LRP1B: variants seen among roughly 807,000 people sequenced by gnomAD.
The protein encoded by LRP1B is LDL receptor related protein 1B.
A neutral mutation model predicts 556.6 loss-of-function variants in LRP1B; 217 were observed. The observed-to-expected ratio is 0.39, with a 90% CI of 0.35 to 0.44. The LOEUF (loss-of-function observed/expected upper bound fraction) is 0.44. Ranked by LOEUF, LRP1B falls within the 20% of genes least tolerant of loss-of-function variation. LRP1B has a pLI of 1.00. For synonymous variants in LRP1B, 2,047 were observed against 1,865.8 expected (o/e 1.10, Z -2.50); for missense variants, 5,053 against 5,620.8 (o/e 0.90, Z 3.23).
intron 1 of LRP1B, among the ~76,000 whole-genome samples, chr2:141,833,123 T>C (rs1697164289): frequency 1.3e-5 from 2 of 151,776 alleles, no homozygotes; most frequent in African/African-American, 4.8e-5. Context: ...TTTCTTATTA[T>C]TTCTCATGTA....
At chr2:141,166,389 T>C (rs1335377247) in intron 7 of LRP1B, among the ~76,000 whole-genome samples, 1 of 151,254 alleles carries the variant, frequency 6.6e-6, no homozygotes, top group East Asian at 1.9e-4. Context: ...TTTTTTACAT[T>C]TTAATATTTA....
At chr2:141,522,418 G>A (rs535662866) in intron 2 of LRP1B, among the ~76,000 whole-genome samples, 18 of 149,298 alleles carry the variant, frequency 1.2e-4, no homozygotes, top group Middle Eastern at 3.2e-3. Flanking sequence ...GAATGTGGCA[G>A]GAAGAAGGGA....
chr2:140,830,226 C>G (rs1691667359), intron 31 of LRP1B, among the ~76,000 whole-genome samples: 1 of 151,996 alleles, frequency 6.6e-6, no homozygotes, highest in African/African-American at 2.4e-5. Context: ...ATTTATAAAA[C>G]TCGAAGTGGA....
In LRP1B at chr2:141,074,589, C is replaced by CTCTCTCTATA. The variant is rs10643830; in HGVS notation, c.1014-12317_1014-12316insTATAGAGAGA. On this transcript the variant is annotated intron_variant, in intron 7 of 90. Transcript: ENST00000389484. The stretch of plus-strand genomic sequence containing the variant: ...TCTCTGTCTCTCTCTCTCTCTCTCT[C>CTCTCTCTATA]TATATATATATATATATGTTTTTTA... 8.6e-3 allele frequency among the ~76,000 whole-genome samples: 1,168 copies of CTCTCTCTATA among 136,424 alleles called. 6 individuals are homozygous for CTCTCTCTATA. The highest frequency in any genetic ancestry group is 0.019 in the African/African-American group (689 of 36,974). The allele number at this position is 136,424 out of a possible 152,430, so 89.5% of individuals were successfully genotyped here. A position where few individuals can be genotyped will look rare whatever the true frequency, so the allele number is the denominator to read the frequency against.
At chr2:141,121,025 A>G (rs1377889576) in intron 7 of LRP1B, among the ~76,000 whole-genome samples, 2 of 152,036 alleles carry the variant, frequency 1.3e-5, no homozygotes, top group Non-Finnish European at 2.9e-5. Context: ...AGCAATTTAT[A>G]TATTTTAGAA....
chr2:141,846,597 T>C (rs780519403), intron 1 of LRP1B, among the ~76,000 whole-genome samples: 21 of 151,564 alleles, frequency 1.4e-4, no homozygotes, highest in Non-Finnish European at 2.4e-4. Context: ...AACATATTTA[T>C]ACAAATCCTT....
At chr2:141,832,998 G>A (rs1170243138) in intron 1 of LRP1B, among the ~76,000 whole-genome samples, 5 of 151,182 alleles carry the variant, frequency 3.3e-5, no homozygotes, top group African/African-American at 1.2e-4. Flanking sequence ...CATTTCAATT[G>A]CCTGTCTTTA....
intron 41 of LRP1B, among the ~76,000 whole-genome samples, chr2:140,603,926 A>T (rs1386187698): frequency 2.0e-5 from 3 of 152,132 alleles, no homozygotes; most frequent in Non-Finnish European, 4.4e-5. Flanking sequence ...GTGATTATTT[A>T]TCGACAGTGA....
chr2:141,773,666 C>A (rs1171284326), intron 2 of LRP1B, among the ~76,000 whole-genome samples: 1 of 152,216 alleles, frequency 6.6e-6, no homozygotes, highest in Non-Finnish European at 1.5e-5. Flanking sequence ...CACAGGTCTG[C>A]TCAAGTTATC....
At chr2:140,790,655 T>C (rs1415586405) in intron 32 of LRP1B, among the ~76,000 whole-genome samples, 1 of 152,168 alleles carries the variant, frequency 6.6e-6, no homozygotes. Flanking sequence ...GAGGCCCGTC[T>C]GGAAGAGGGA....
intron 8 of LRP1B, among the ~76,000 whole-genome samples, chr2:141,061,576 G>A (rs1368017309): frequency 6.6e-6 from 1 of 151,684 alleles, no homozygotes; most frequent in Non-Finnish European, 1.5e-5. Flanking sequence ...GGAAGTACTT[G>A]AATACATCAG....
chr2:142,030,638 C>T (rs543540152), intron 1 of LRP1B, among the ~76,000 whole-genome samples: 92 of 151,834 alleles, frequency 6.1e-4, no homozygotes, highest in Non-Finnish European at 1.3e-3. Flanking sequence ...AACCAGGGGC[C>T]CAGCTAGTAA....
Position 141,509,673 on chromosome 2 carries a change from A to G in LRP1B, c.206-29140T>C, listed in dbSNP as rs551932576. 1.7e-3 allele frequency among the ~76,000 whole-genome samples: 257 copies of G among 152,294 alleles called. 1 individual carries two copies. Among genetic ancestry groups the G allele is most frequent in the African/African-American group, 6.0e-3 (251 of 41,564 alleles). ...TTGAAACAACTGGACATTTAATTCAAGAGCAAATACACTGAGAAATATAAG... is the reference window on the plus strand; with the variant it reads ...TTGAAACAACTGGACATTTAATTCAGGAGCAAATACACTGAGAAATATAAG... On this transcript the variant is annotated intron_variant, in intron 2 of 90. Transcript: ENST00000389484.
intron 3 of LRP1B, among the ~76,000 whole-genome samples, chr2:141,307,837 T>C (rs1306670122): frequency 6.6e-6 from 1 of 152,146 alleles, no homozygotes; most frequent in African/African-American, 2.4e-5. Context: ...TTGGCAGCAG[T>C]GGGCCAAGTG....
At chr2:141,165,634 G>A (rs1680219582) in intron 7 of LRP1B, among the ~76,000 whole-genome samples, 1 of 151,846 alleles carries the variant, frequency 6.6e-6, no homozygotes, top group African/African-American at 2.4e-5. Context: ...CATATAATAT[G>A]AAATTGTGTT....
chr2:140,903,020 T>C lies in LRP1B; in HGVS notation c.3666A>G (p.Leu1222=), dbSNP rs770441116. Residue 1222 remains leucine, a synonymous_variant, in exon 23 of 91, where the codon CTA becomes CTG. Coordinates refer to ENST00000389484, the MANE Select transcript of LRP1B (RefSeq NM_018557.3). ...GCTGCTCACATACTTGGCTGCACTT[T>C]AGATGATTGCTACAATAATCCACAA... is the stretch of plus-strand genomic sequence containing the variant. ...CEIVDYCSNH[L]KCSQVCEQHK... is the part of the protein sequence containing the mutation. 5.8e-5 allele frequency: 94 copies of C among 1,613,700 alleles called. No individual in the cohort carries two copies. Among genetic ancestry groups the C allele is most frequent in the Admixed American group, 5.0e-5 (3 of 59,944 alleles).
intron 3 of LRP1B, among the ~76,000 whole-genome samples, chr2:141,350,985 A>G (rs928493434): frequency 3.3e-5 from 5 of 152,088 alleles, no homozygotes; most frequent in African/African-American, 1.2e-4. Context: ...TATAATGACA[A>G]GAATTTAAAA....
intron 1 of LRP1B, among the ~76,000 whole-genome samples, chr2:141,976,239 C>T (rs1268700613): frequency 6.6e-6 from 1 of 151,904 alleles, no homozygotes; most frequent in African/African-American, 2.4e-5. Context: ...TCTGAGACAC[C>T]TTTTGGCAAA....
intron 59 of LRP1B, among the ~76,000 whole-genome samples, chr2:140,477,391 A>T (rs1268622822): frequency 6.6e-6 from 1 of 152,130 alleles, no homozygotes; most frequent in Non-Finnish European, 1.5e-5. Context: ...AATTAAAAGT[A>T]ATAATTCAGT....
Sources: allele counts gnomAD v4.1 joint callset (sites outside exome capture counted in the v4.1 genomes callset), GRCh38; gene constraint gnomAD v4.1.1; transcripts MANE v1.5; gene names NCBI Gene and HGNC (gene_info 2026-07-23, HGNC 2026-07-21).